ZFYVE26: variants seen among roughly 807,000 people sequenced by gnomAD.
ZFYVE26 encodes zinc finger FYVE domain-containing protein 26.
A neutral mutation model predicts 276.5 loss-of-function variants in ZFYVE26; 181 were observed. The observed-to-expected ratio is 0.65, with a 90% CI of 0.58 to 0.74. The LOEUF (loss-of-function observed/expected upper bound fraction) is 0.74. ZFYVE26 is among the 30% of genes least tolerant of loss of function. The probability of loss-of-function intolerance (pLI) is 0.00; values close to 1 mark genes in which losing one functional copy is unlikely to be tolerated. For missense variants in ZFYVE26, 2,821 were observed against 3,097.9 expected (o/e 0.91, Z 2.12); for synonymous variants, 1,129 against 1,203.1 (o/e 0.94, Z 1.27).
chr14:67,757,151 G>C (rs759847060), intron 35 of ZFYVE26, among the ~76,000 whole-genome samples: 5 of 152,138 alleles, frequency 3.3e-5, no homozygotes, highest in Admixed American at 6.5e-5. Context: ...ATCATCGTTT[G>C]TCTGGATTAT....
Position 67,786,188 on chromosome 14 carries a change from C to T in ZFYVE26, c.3065G>A (p.Gly1022Asp), listed in dbSNP as rs1194402748. The change falls in exon 17 of 42, where the codon GGT becomes GAT. Residue 1022 changes from glycine to aspartate, a missense_variant. Coordinates refer to ENST00000347230, the MANE Select transcript of ZFYVE26 (RefSeq NM_015346.4). ...HVLLNADGIR[G>D]FPVVLQQISK... is the part of the protein sequence containing the mutation. ...GATTTGCTGAAGAACAACTGGAAAA[C>T]CTCGAATGCCATCAGCATTTAGGAG... 1 of 1,607,614 alleles carries T rather than the reference C, an allele frequency of 6.2e-7. No individual in the cohort carries two copies. Among genetic ancestry groups the T allele is most frequent in the Non-Finnish European group, 8.5e-7 (1 of 1,178,518 alleles).
chr14:67,811,510 C>A (rs1414419757), intron 3 of ZFYVE26, among the ~76,000 whole-genome samples: 11 of 152,108 alleles, frequency 7.2e-5, no homozygotes, highest in Admixed American at 7.2e-4. Context: ...GCAGAAAAAG[C>A]AGAGGATTGA....
chr14:67,748,651 T>G lies in ZFYVE26; in HGVS notation c.7417-12A>C, dbSNP rs757154239. ...AGGTAGGCCCGAACCTGGCAGTCAG[T>G]TATAAGAGACAGCGGAAAGGCATCC... On this transcript the variant is annotated splice_polypyrimidine_tract_variant and intron_variant, in intron 41 of 41. Transcript: ENST00000347230. 4 of 1,613,590 alleles carry G rather than the reference T, an allele frequency of 2.5e-6. No individual in the cohort carries two copies. The South Asian group carries it at 4.4e-5, about 18-fold the overall frequency.
At position 67,807,578 on chromosome 14, in the gene ZFYVE26, A is replaced by C. The variant is rs749763709; in HGVS notation, c.706T>G (p.Leu236Val). 1 of 1,614,116 alleles carries C rather than the reference A, an allele frequency of 6.2e-7. No homozygotes were observed. The highest frequency in any genetic ancestry group is 1.1e-5 in the South Asian group (1 of 91,074). Reference protein sequence around the residue: ...RCPAEPLGVELHLLCEELLEA... With the variant: ...RCPAEPLGVEVHLLCEELLEA... ...AGTAGTTCCTCACACAGGAGATGCA[A>C]CTCAACCCCAAGTGGTTCTGCGGGG... The change falls in exon 5 of 42, where the codon TTG (leucine) becomes GTG (valine). Residue 236 changes from leucine (L) to valine (V), a missense_variant. Transcript: ENST00000347230.
chr14:67,809,392 T>G (rs2040247011), intron 3 of ZFYVE26, 103 bp from the exon 4 acceptor site: 3 of 768,810 alleles, frequency 3.9e-6, no homozygotes, highest in South Asian at 3.2e-5. Flanking sequence ...CTGCTATTTC[T>G]CTAAGATGAA....
rs988830272 is a variant in ZFYVE26 at position 67,798,598 on chromosome 14, T to G, written c.1664A>C (p.Tyr555Ser). Residue 555 changes from tyrosine (Y) to serine (S), a missense_variant, in exon 11 of 42, where the codon TAC (tyrosine) becomes TCC (serine). Transcript: ENST00000347230. Reference protein sequence around the residue: ...SPGAANLFSTYLARCQQYLCS... With the variant: ...SPGAANLFSTSLARCQQYLCS... The stretch of plus-strand genomic sequence containing the variant: ...CAGATACTGTTGACACCTGGCCAGG[T>G]AAGTTGAGAAGAGATTTGCAGCACC... The G allele has an allele frequency of 1.2e-5, 19 of 1,613,794 alleles. No individual in the cohort carries two copies. Among genetic ancestry groups the G allele is most frequent in the Non-Finnish European group, 1.6e-5 (19 of 1,180,004 alleles).
chr14:67,798,635 G>A lies in ZFYVE26; in HGVS notation c.1640-13C>T. ...AGATTTGCAGCACCTACAAAAACATGTACAAGAGAAGAGGCCAGAGAAAGA... is the reference window on the plus strand; with the variant it reads ...AGATTTGCAGCACCTACAAAAACATATACAAGAGAAGAGGCCAGAGAAAGA... On this transcript the variant is annotated splice_polypyrimidine_tract_variant and intron_variant, in intron 10 of 41. Coordinates refer to ENST00000347230, the MANE Select transcript of ZFYVE26 (RefSeq NM_015346.4). 1 of 1,613,566 alleles carries A rather than the reference G, an allele frequency of 6.2e-7. No individual in the cohort carries two copies. The highest frequency in any genetic ancestry group is 8.5e-7 in the Non-Finnish European group (1 of 1,179,998).
chr14:67,735,080 A>G (rs889431877), intron 13 of ZFYVE26: 1 of 719,298 alleles, frequency 1.4e-6, no homozygotes, highest in Non-Finnish European at 2.6e-6. Flanking sequence ...GACACCAAAT[A>G]TCGGGAAGCT....
intron 12 of ZFYVE26, among the ~76,000 whole-genome samples, chr14:67,794,682 C>T (rs1430104127): frequency 6.6e-6 from 1 of 152,202 alleles, no homozygotes; most frequent in Non-Finnish European, 1.5e-5. Context: ...CAGTGGCTTA[C>T]ACCTGTAATC....
intron 13 of ZFYVE26, among the ~76,000 whole-genome samples, chr14:67,730,908 G>A (rs1385967399): frequency 6.6e-6 from 1 of 151,910 alleles, no homozygotes; most frequent in Non-Finnish European, 1.5e-5. Context: ...CCAGCCCCAA[G>A]CATTTCTGAT....
chr14:67,800,145 T>C (rs1460395181), intron 10 of ZFYVE26, among the ~76,000 whole-genome samples: 1 of 152,158 alleles, frequency 6.6e-6, no homozygotes, highest in Non-Finnish European at 1.5e-5. Context: ...TTTGTAAGAG[T>C]TGTATATGAT....
At chr14:67,780,459 C>T in intron 22 of ZFYVE26, 114 bp from the exon 23 acceptor site, 1 of 945,820 alleles carries the variant, frequency 1.1e-6, no homozygotes, top group Non-Finnish European at 1.6e-6. Context: ...CAAAGTCAGG[C>T]TGTCAGAACT....
Position 67,755,994 on chromosome 14 carries a change from T to A in ZFYVE26, c.6740A>T (p.Lys2247Met), listed in dbSNP as rs774800919. 1.2e-6 allele frequency: 2 copies of A among 1,614,242 alleles called. No homozygotes were observed. The highest frequency in any genetic ancestry group is 3.3e-5 in the Admixed American group (2 of 60,032). The change falls in exon 36 of 42, where the codon AAG becomes ATG. Residue 2247 changes from lysine to methionine, a missense_variant. Transcript: ENST00000347230. ...YLIAACQHLQ[K>M]KNYYHILYEL... Reference sequence around the variant, plus strand: ...ATACAGAATGTGGTAGTAGTTCTTCTTCTGTAAATGTTGGCAGGCAGCAAT... The same window carrying A: ...ATACAGAATGTGGTAGTAGTTCTTCATCTGTAAATGTTGGCAGGCAGCAAT...
chr14:67,742,360 C>T (rs146405327), downstream of ZFYVE26, among the ~76,000 whole-genome samples: 506 of 152,232 alleles, frequency 3.3e-3, 2 homozygotes, highest in Middle Eastern at 0.024. Context: ...TACTTAATGC[C>T]ACTGAAGTGT....
rs1555396965 is a variant in ZFYVE26, at chr14:67,782,776, TCAC to T, written c.4372+1_4372+3del. ...GAAAAAGGGAGGCATAGCATTCTGC[TCAC>T]CACATGCCACAGCACAGCTCAGGAC... On this transcript the variant is annotated splice_donor_variant and splice_donor_region_variant and intron_variant, in intron 21 of 41. Coordinates refer to ENST00000347230, the MANE Select transcript of ZFYVE26 (RefSeq NM_015346.4). LOFTEE classifies it high-confidence loss of function. The T allele has an allele frequency of 1.9e-6, 3 of 1,614,136 alleles. No homozygotes were observed. Among genetic ancestry groups the T allele is most frequent in the Non-Finnish European group, 2.5e-6 (3 of 1,180,044 alleles).
At chr14:67,758,979 C>T (rs1428306154) in intron 35 of ZFYVE26, among the ~76,000 whole-genome samples, 2 of 152,100 alleles carry the variant, frequency 1.3e-5, no homozygotes, top group East Asian at 1.9e-4. Flanking sequence ...GTGGCTCACG[C>T]CTCTAATCCC....
Position 67,748,543 on chromosome 14 carries a change from G to A in ZFYVE26, c.7513C>T (p.Gln2505Ter), listed in dbSNP as rs2038548696. Residue 2505 changes from glutamine (Q) to a stop codon, truncating the protein, a stop_gained, in exon 42 of 42, where the codon CAG becomes TAG. Coordinates refer to ENST00000347230, the MANE Select transcript of ZFYVE26 (RefSeq NM_015346.4). LOFTEE classifies it high-confidence loss of function. ...SRATALVQQV[Q>*]QAAKSSGDAV... ...TCCCCGCTGCTCTTGGCGGCCTGCT[G>A]CACCTGCTGGACAAGGGCTGTGGCC... The A allele has an allele frequency of 6.2e-7, 1 of 1,614,042 alleles. No individual in the cohort carries two copies. The highest frequency in any genetic ancestry group is 1.3e-5 in the African/African-American group (1 of 74,948).
chr14:67,760,264 C>T (rs1289102025), intron 35 of ZFYVE26, among the ~76,000 whole-genome samples: 1 of 152,124 alleles, frequency 6.6e-6, no homozygotes, highest in African/African-American at 2.4e-5. Context: ...AACTCAACTC[C>T]ATATAACATG....
chr14:67,733,724 A>G, intron 13 of ZFYVE26: 1 of 1,520,108 alleles, frequency 6.6e-7, no homozygotes, highest in Non-Finnish European at 9.1e-7. Context: ...CCTGGAATTT[A>G]CTGTCTTTCT....
Sources: allele counts gnomAD v4.1 joint callset (sites outside exome capture counted in the v4.1 genomes callset), GRCh38; gene constraint gnomAD v4.1.1; transcripts MANE v1.5; gene names NCBI Gene and HGNC (gene_info 2026-07-23, HGNC 2026-07-21).